Variants in ARID3B observed in about 807,000 individuals in gnomAD.
The protein encoded by ARID3B is AT-rich interactive domain-containing protein 3B.
In ARID3B, 10 loss-of-function variants were observed where a neutral mutation model predicts 51.9. The ratio of observed to expected loss-of-function variants is 0.19; its 90% CI spans 0.12 to 0.33. The LOEUF (loss-of-function observed/expected upper bound fraction) is 0.33. Among genes scored for constraint, ARID3B ranks in the 10% least tolerant of loss-of-function variants. The pLI is 1.00. For missense variants in ARID3B, 483 were observed against 716.3 expected (o/e 0.67, Z 3.72); for synonymous variants, 205 against 279.5 (o/e 0.73, Z 2.66).
intron 2 of ARID3B, among the ~76,000 whole-genome samples, chr15:74,570,219 C>T (rs1391179604): frequency 6.6e-6 from 1 of 152,084 alleles, no homozygotes; most frequent in Non-Finnish European, 1.5e-5. Flanking sequence ...AGGACCCTAC[C>T]AGCCCCAGCC....
At chr15:74,569,447 C>T (rs367913113) in intron 2 of ARID3B, among the ~76,000 whole-genome samples, 146 of 152,182 alleles carry the variant, frequency 9.6e-4, no homozygotes, top group African/African-American at 3.4e-3. Context: ...ATTAGCCGGG[C>T]GTACTGGCAT....
chr15:74,546,887 C>A (rs560730684), intron 2 of ARID3B, among the ~76,000 whole-genome samples: 1 of 152,232 alleles, frequency 6.6e-6, no homozygotes, highest in South Asian at 2.1e-4. Flanking sequence ...TTGATTTGAT[C>A]TGTGCTCTCC....
At chr15:74,573,799 T>C (rs2061727790) in intron 4 of ARID3B, 1 of 154,468 alleles carries the variant, frequency 6.5e-6, no homozygotes. Context: ...TGGAGTGCCA[T>C]GGTGTGATCT....
At chr15:74,556,737 G>C (rs1303699148) in intron 2 of ARID3B, among the ~76,000 whole-genome samples, 1 of 150,624 alleles carries the variant, frequency 6.6e-6, no homozygotes. Context: ...TTCCCTCTGG[G>C]CTCACTTTCC....
At position 74,591,249 on chromosome 15, in the gene ARID3B, G is replaced by A. The variant is rs2061801687; in HGVS notation, c.980G>A (p.Arg327Gln). 11 of 1,613,952 alleles carry A rather than the reference G, an allele frequency of 6.8e-6. No individual in the cohort carries two copies. The highest frequency in any genetic ancestry group is 1.7e-5 in the Admixed American group (1 of 60,020). ...ATTGATGGCAACCGCAGGGAGGGCC[G>A]GCGGCCCAGCTACAGCTCCTCCCTC... ...AAIDGNRREG[R>Q]RPSYSSSLFG... is the part of the protein sequence containing the mutation. The change falls in exon 6 of 9, where the codon CGG becomes CAG. Residue 327 changes from arginine (R) to glutamine (Q), a missense_variant. By Grantham distance (43) the Arg-to-Gln change is conservative. This residue lies in a region of ARID3B where 265 missense variants were observed against 354.4 expected (regional missense o/e 0.75). Coordinates refer to ENST00000346246, the MANE Select transcript of ARID3B (RefSeq NM_006465.4). The surrounding 1 kb of genome is among the most constrained non-coding windows in gnomAD (Gnocchi z 5.8).
At chr15:74,559,111 G>T (rs932479353) in intron 2 of ARID3B, among the ~76,000 whole-genome samples, 1 of 152,130 alleles carries the variant, frequency 6.6e-6, no homozygotes, top group African/African-American at 2.4e-5. Context: ...GGGGCCTACA[G>T]CCTGGACTCC....
Position 74,577,935 on chromosome 15 carries a change from G to A in ARID3B, c.697+4731G>A, listed in dbSNP as rs150187390. ...GTTCAGTGGTCGATCTCAGCTTACC[G>A]CAACCTTCCCATCCCGGGTTCAAGT... On this transcript the variant is annotated intron_variant, in intron 4 of 8. Transcript: ENST00000346246. Among the ~76,000 whole-genome samples, 254 of 152,062 alleles carry A rather than the reference G, an allele frequency of 1.7e-3. 3 individuals are homozygous for A. The highest frequency in any genetic ancestry group is 5.0e-3 in the Admixed American group (76 of 15,290).
intron 2 of ARID3B, among the ~76,000 whole-genome samples, chr15:74,549,051 C>T (rs571701498): frequency 2.6e-4 from 40 of 152,086 alleles, no homozygotes; most frequent in Admixed American, 3.9e-4. Context: ...GGTGTAGTCC[C>T]TTGGGATAGG....
At position 74,579,862 on chromosome 15, in the gene ARID3B, TGTGTGTGTGTGC is replaced by T. The variant is rs1159056893; in HGVS notation, c.697+6660_697+6671del. 7.9e-3 allele frequency among the ~76,000 whole-genome samples: 1,149 copies of T among 145,668 alleles called. 22 individuals are homozygous for T. The highest frequency in any genetic ancestry group is 0.029 in the African/African-American group (1,090 of 37,504). ...GTGTGTGTGTGTGTGTGTGTGTGTG[TGTGTGTGTGTGC>T]GCGCGCGCGCACACGCAAAAAATAC... On this transcript the variant is annotated intron_variant, in intron 4 of 8. Coordinates refer to ENST00000346246, the MANE Select transcript of ARID3B (RefSeq NM_006465.4).
chr15:74,596,130 C>G lies in ARID3B; in HGVS notation c.*356C>G. On this transcript the variant is annotated 3_prime_UTR_variant, in exon 9 of 9. Transcript: ENST00000346246. ...GCAGGGCTGGAGGCCCTCCATTTCC[C>G]TCCCCTTTTAATTTATTTCCCTGAC... 3.5e-6 allele frequency: 1 copy of G among 283,260 alleles called. No individual in the cohort carries two copies. The highest frequency in any genetic ancestry group is 5.5e-5 in the East Asian group (1 of 18,168). 17.5% of individuals were successfully genotyped at this position (283,260 alleles called of 1,614,324 possible).
At chr15:74,543,198 T>C (rs1457767682) in intron 1 of ARID3B, among the ~76,000 whole-genome samples, 2 of 152,200 alleles carry the variant, frequency 1.3e-5, no homozygotes, top group South Asian at 2.1e-4. Flanking sequence ...GTTGTTGAAA[T>C]TGGATTCTTT....
chr15:74,565,128 T>G (rs8043437), intron 2 of ARID3B, among the ~76,000 whole-genome samples: 5,061 of 152,150 alleles, frequency 0.033, 296 homozygotes, highest in African/African-American at 0.12. Flanking sequence ...CACTGCAACC[T>G]CAGCCTCCCA....
At position 74,596,442 on chromosome 15, in the gene ARID3B, G is replaced by A. The variant is rs1356646017; in HGVS notation, c.*668G>A. 4.3e-6 allele frequency: 1 copy of A among 233,448 alleles called. No homozygotes were observed. The highest frequency in any genetic ancestry group is 2.2e-5 in the African/African-American group (1 of 45,354). The allele number at this position is 233,448 out of a possible 1,614,324, so 14.5% of individuals were successfully genotyped here. A position where few individuals can be genotyped will look rare whatever the true frequency, so the allele number is the denominator to read the frequency against. On this transcript the variant is annotated 3_prime_UTR_variant, in exon 9 of 9. Coordinates refer to ENST00000346246, the MANE Select transcript of ARID3B (RefSeq NM_006465.4). ...CCCACAGGGCATCTGCTGATGGGAA[G>A]GCAGAGCCTCGGGGCTGCCCAGCCC...
chr15:74,556,266 G>A (rs2061657262), intron 2 of ARID3B, among the ~76,000 whole-genome samples: 1 of 152,164 alleles, frequency 6.6e-6, no homozygotes, highest in African/African-American at 2.4e-5. Context: ...CCCAAGAAGA[G>A]GGAGAAAGAT....
intron 2 of ARID3B, among the ~76,000 whole-genome samples, chr15:74,547,612 C>A (rs1362583726): frequency 6.6e-6 from 1 of 152,212 alleles, no homozygotes; most frequent in Admixed American, 6.5e-5. Flanking sequence ...TCAGGGAGTT[C>A]AGGTCTAGCG....
In ARID3B at chr15:74,595,565, C is replaced by T. The variant is rs565097446; in HGVS notation, c.1520-46C>T. On this transcript the variant is annotated intron_variant, in intron 8 of 8. Transcript: ENST00000346246. ...CTTACTGAAAGGAGCTGGCCCTCCCCTTCGCTCTTCCTCTGCCCACACTTG... is the reference window on the plus strand; with the variant it reads ...CTTACTGAAAGGAGCTGGCCCTCCCTTTCGCTCTTCCTCTGCCCACACTTG... The T allele has an allele frequency of 4.6e-5, 73 of 1,589,760 alleles. No homozygotes were observed. The African/African-American group carries it at 9.5e-4, about 21-fold the overall frequency.
chr15:74,572,312 GCCATGGTGGC>G (rs2061721882), intron 2 of ARID3B, among the ~76,000 whole-genome samples: 1 of 152,174 alleles, frequency 6.6e-6, no homozygotes. Flanking sequence ...ACAATCTCAG[GCCATGGTGGC>G]CCTCATATCA....
intron 2 of ARID3B, among the ~76,000 whole-genome samples, chr15:74,565,025 C>CT (rs552369738): frequency 0.042 from 6,195 of 148,696 alleles, 200 homozygotes; most frequent in African/African-American, 0.088. Flanking sequence ...TGTTCTGTGT[C>CT]TTTTTTTTTT....
intron 4 of ARID3B, among the ~76,000 whole-genome samples, chr15:74,587,221 T>C (rs1171822497): frequency 6.6e-6 from 1 of 152,164 alleles, no homozygotes; most frequent in African/African-American, 2.4e-5. Flanking sequence ...TTCAAGTTGA[T>C]CGTATGGCTA....
Sources: allele counts gnomAD v4.1 joint callset (sites outside exome capture counted in the v4.1 genomes callset), GRCh38; gene constraint gnomAD v4.1.1; regional missense constraint gnomAD v4.1.1; non-coding constraint Gnocchi (gnomAD v3.1); transcripts MANE v1.5; gene names NCBI Gene and HGNC (gene_info 2026-07-23, HGNC 2026-07-21).